FOXO1: variants seen among roughly 807,000 people sequenced by gnomAD.
FOXO1 encodes the protein forkhead box protein O1.
Under a neutral mutation model 44.1 loss-of-function variants are expected in FOXO1, and 6 were observed. The observed-to-expected ratio is 0.14, with a 90% CI of 0.07 to 0.27. FOXO1 has a LOEUF of 0.27. Ranked by LOEUF, FOXO1 falls within the 10% of genes least tolerant of loss-of-function variation. The pLI is 1.00. For missense variants in FOXO1, 737 were observed against 888.8 expected, an observed-to-expected ratio of 0.83 and a Z score of 2.17; for synonymous variants, 380 against 362.7, an observed-to-expected ratio of 1.05 and a Z score of -0.54.
chr13:40,620,626 G>A, intron 1 of FOXO1: 1 of 404,484 alleles, frequency 2.5e-6, no homozygotes, highest in Non-Finnish European at 4.7e-6. Flanking sequence ...TACAGTTACT[G>A]ACAGCAGCCA....
chr13:40,624,401 C>T (rs937937795), intron 1 of FOXO1, among the ~76,000 whole-genome samples: 11 of 146,276 alleles, frequency 7.5e-5, no homozygotes, highest in African/African-American at 2.7e-4. Context: ...TTCATGAAAA[C>T]TTACCCAGAA....
chr13:40,664,026 G>A (rs994243699), intron 1 of FOXO1, among the ~76,000 whole-genome samples: 1 of 152,250 alleles, frequency 6.6e-6, no homozygotes, highest in African/African-American at 2.4e-5. Flanking sequence ...TGTAATCCCA[G>A]CACTTTGGGA....
Position 40,666,268 on chromosome 13 carries a change from A to T in FOXO1, c.-56T>A. ...AGAGCCAAGAGGGGGAGAACGCAGC[A>T]CTGGGGGCGGACGGGGAGGGGGCGC... On this transcript the variant is annotated 5_prime_UTR_variant, in exon 1 of 3. Transcript: ENST00000379561. The T allele has an allele frequency of 1.5e-6, 2 of 1,313,808 alleles. No homozygotes were observed. The highest frequency in any genetic ancestry group is 1.9e-6 in the Non-Finnish European group (2 of 1,027,802). The allele number at this position is 1,313,808 out of a possible 1,614,324, so 81.4% of individuals were successfully genotyped here.
At chr13:40,626,773 G>A (rs762245701) in intron 1 of FOXO1, among the ~76,000 whole-genome samples, 7 of 152,242 alleles carry the variant, frequency 4.6e-5, no homozygotes, top group South Asian at 4.2e-4. Flanking sequence ...ACACTGCCCC[G>A]ATGATACCAG....
chr13:40,645,467 G>T (rs1207399560), intron 1 of FOXO1, among the ~76,000 whole-genome samples: 1 of 152,114 alleles, frequency 6.6e-6, no homozygotes, highest in Admixed American at 6.6e-5. Context: ...CACGCCCAGG[G>T]TGAAGTGTAT....
chr13:40,642,986 C>T (rs1369828038), intron 1 of FOXO1, among the ~76,000 whole-genome samples: 2 of 152,134 alleles, frequency 1.3e-5, no homozygotes, highest in African/African-American at 4.8e-5. Flanking sequence ...AGCCTGAAAA[C>T]CACAAACAGC....
intron 1 of FOXO1, among the ~76,000 whole-genome samples, chr13:40,660,700 T>G (rs1280260121): frequency 6.6e-6 from 1 of 152,224 alleles, no homozygotes. Flanking sequence ...TCAGCAATTT[T>G]GGGATCTTGA....
chr13:40,601,596 A>C (rs1875816472), intron 1 of FOXO1, among the ~76,000 whole-genome samples: 1 of 152,246 alleles, frequency 6.6e-6, no homozygotes, highest in Admixed American at 6.5e-5. Flanking sequence ...AAATCTTCTG[A>C]ATTGTCCAAT....
intron 1 of FOXO1, among the ~76,000 whole-genome samples, chr13:40,592,485 A>G (rs1230024582): frequency 6.6e-6 from 1 of 152,232 alleles, no homozygotes; most frequent in Non-Finnish European, 1.5e-5. Flanking sequence ...CGAAGCAGAA[A>G]AGACAACTTA....
At chr13:40,657,411 C>T (rs1877894052) in intron 1 of FOXO1, among the ~76,000 whole-genome samples, 1 of 151,178 alleles carries the variant, frequency 6.6e-6, no homozygotes, top group Non-Finnish European at 1.5e-5. Context: ...CTCCACCCCT[C>T]CAACCCCCTG....
At chr13:40,665,515 C>A (rs981936480) in intron 1 of FOXO1, 68 bp downstream of exon 1, 2 of 1,271,428 alleles carry the variant, frequency 1.6e-6, no homozygotes, top group Non-Finnish European at 2.0e-6. Flanking sequence ...CCGAGCAAAC[C>A]TGCACAGCTG....
intron 1 of FOXO1, among the ~76,000 whole-genome samples, chr13:40,642,586 C>A (rs932577771): frequency 6.6e-6 from 1 of 152,152 alleles, no homozygotes; most frequent in Admixed American, 6.6e-5. Flanking sequence ...CATAAAAGAC[C>A]CTCTAAAGTT....
In FOXO1 at chr13:40,618,700, C is replaced by T. The variant is rs9577076; in HGVS notation, c.630+46883G>A. 666 of 414,760 alleles carry T rather than the reference C, an allele frequency of 1.6e-3. 11 individuals are homozygous for T. The East Asian group carries it at 0.017, about 11-fold the overall frequency. The allele number at this position is 414,760 out of a possible 1,614,324, so 25.7% of individuals were successfully genotyped here. On this transcript the variant is annotated intron_variant, in intron 1 of 2. Coordinates refer to ENST00000379561, the MANE Select transcript of FOXO1 (RefSeq NM_002015.4). ...TGGATACCATGGCATATGTTAAAAG[C>T]ATATTGAAAGGAAAATAAGAAAGCC...
chr13:40,650,611 C>T (rs115469619), intron 1 of FOXO1, among the ~76,000 whole-genome samples: 2,409 of 152,298 alleles, frequency 0.016, 50 homozygotes, highest in African/African-American at 0.052. Flanking sequence ...ACTCCTCAAG[C>T]ACAGGGACAG....
chr13:40,614,294 G>A (rs916576319), intron 1 of FOXO1, among the ~76,000 whole-genome samples: 1 of 152,136 alleles, frequency 6.6e-6, no homozygotes, highest in African/African-American at 2.4e-5. Flanking sequence ...TAACCACCAG[G>A]AAACATGCTG....
At chr13:40,565,476 C>T (rs1282527183) in intron 1 of FOXO1, among the ~76,000 whole-genome samples, 1 of 152,166 alleles carries the variant, frequency 6.6e-6, no homozygotes, top group Non-Finnish European at 1.5e-5. Context: ...TCCCATCCTG[C>T]AGCTCTAACA....
intron 1 of FOXO1, among the ~76,000 whole-genome samples, chr13:40,561,367 A>AC (rs1210672637): frequency 6.6e-6 from 1 of 150,688 alleles, no homozygotes; most frequent in Non-Finnish European, 1.5e-5. Flanking sequence ...AAAAAAAAAA[A>AC]AAATTCTATA....
intron 1 of FOXO1, among the ~76,000 whole-genome samples, chr13:40,593,587 T>C (rs1875468858): frequency 6.6e-6 from 1 of 152,196 alleles, no homozygotes; most frequent in Non-Finnish European, 1.5e-5. Flanking sequence ...GTAATACATA[T>C]TACTTACTTA....
intron 1 of FOXO1, among the ~76,000 whole-genome samples, chr13:40,639,266 A>T (rs557713578): frequency 1.3e-5 from 2 of 152,274 alleles, no homozygotes; most frequent in East Asian, 3.9e-4. Flanking sequence ...AGAAGGTTCA[A>T]GAGCCAGCAG....
Sources: gnomAD v4.1 joint callset for allele counts (sites outside exome capture counted in the v4.1 genomes callset) on GRCh38, gnomAD v4.1.1 for gene constraint, MANE v1.5 for transcripts, NCBI Gene and HGNC (gene_info 2026-07-23, HGNC 2026-07-21) for gene names.